Variants in PRPF39 observed in about 807,000 individuals in gnomAD.
The protein encoded by PRPF39 is pre-mRNA-processing factor 39.
PRPF39 carries 27 observed loss-of-function variants against 82.1 expected under a neutral mutation model. The observed-to-expected ratio is 0.33, with a 90% CI of 0.24 to 0.45. PRPF39 has a LOEUF of 0.45. Ranked by LOEUF, PRPF39 falls within the 20% of genes least tolerant of loss-of-function variation. The pLI is 1.00. For missense variants in PRPF39, 581 were observed against 796.9 expected, an observed-to-expected ratio of 0.73 and a Z score of 3.26; for synonymous variants, 261 against 256.4, an observed-to-expected ratio of 1.02 and a Z score of -0.17.
At position 45,112,452 on chromosome 14, in the gene PRPF39, T is replaced by C; in HGVS notation, c.1707T>C (p.Phe569=). ...TACCTATTAAAATGAGAATTACATTTTCTCAGAGAAAAGTGGAATTTCTTG... is the reference window on the plus strand; with the variant it reads ...TACCTATTAAAATGAGAATTACATTCTCTCAGAGAAAAGTGGAATTTCTTG... ...GSLPIKMRIT[F]SQRKVEFLED... is the part of the protein sequence containing the mutation. The change falls in exon 11 of 14, where the codon TTT becomes TTC. Residue 569 remains phenylalanine (F), a synonymous_variant. Coordinates refer to ENST00000355765, the MANE Select transcript of PRPF39 (RefSeq NM_017922.4). 1 of 1,540,442 alleles carries C rather than the reference T, an allele frequency of 6.5e-7. No individual in the cohort carries two copies. The highest frequency in any genetic ancestry group is 1.3e-5 in the South Asian group (1 of 78,892).
At chr14:45,097,622 TTTTG>T (rs2139046773) in intron 4 of PRPF39, among the ~76,000 whole-genome samples, 1 of 152,294 alleles carries the variant, frequency 6.6e-6, no homozygotes, top group East Asian at 1.9e-4. Flanking sequence ...GTGCCACATT[TTTTG>T]TTTGTTTTAC....
rs933992091 is a variant in PRPF39 at position 45,116,248 on chromosome 14, G to A, written c.*1335G>A. Reference sequence around the variant, plus strand: ...TCAAAAGTGAGTTTTGCATTTGGTGGAATTCTGTTGAAGAAGTCAAGGTAC... The same window carrying A: ...TCAAAAGTGAGTTTTGCATTTGGTGAAATTCTGTTGAAGAAGTCAAGGTAC... On this transcript the variant is annotated 3_prime_UTR_variant, in exon 14 of 14. Transcript: ENST00000355765. 3 of 1,611,928 alleles carry A rather than the reference G, an allele frequency of 1.9e-6. No individual in the cohort carries two copies. Among genetic ancestry groups the A allele is most frequent in the Non-Finnish European group, 2.5e-6 (3 of 1,178,328 alleles).
rs377044579 is a variant in PRPF39 at position 45,110,702 on chromosome 14, A to C, written c.1457A>C (p.Lys486Thr). ...CTTCAGGATGCCATTAAGAATGCCA[A>C]ATCAAATAATGAATCTTCATTTTAT... ...HLLQDAIKNA[K>T]SNNESSFYAV... Residue 486 changes from lysine (K) to threonine (T), a missense_variant, in exon 10 of 14, where the codon AAA becomes ACA. Lys to Thr is a moderately conservative substitution (Grantham distance 78). Coordinates refer to ENST00000355765, the MANE Select transcript of PRPF39 (RefSeq NM_017922.4). The surrounding 1 kb of genome is among the most constrained non-coding windows in gnomAD (Gnocchi z 4.0). 11 of 1,569,854 alleles carry C rather than the reference A, an allele frequency of 7.0e-6. No individual in the cohort carries two copies. Among genetic ancestry groups the C allele is most frequent in the Non-Finnish European group, 9.5e-6 (11 of 1,156,262 alleles).
Position 45,112,429 on chromosome 14 carries a change from C to A in PRPF39, c.1684C>A (p.Pro562Thr). The change falls in exon 11 of 14, where the codon CCT becomes ACT. Residue 562 changes from proline (P) to threonine (T), a missense_variant. Pro to Thr is a conservative substitution (Grantham distance 38). Transcript: ENST00000355765. ...CFDKAVHGSL[P>T]IKMRITFSQR... ...TGACAAAGCTGTACATGGTTCATTA[C>A]CTATTAAAATGAGAATTACATTTTC... 6.5e-7 allele frequency: 1 copy of A among 1,546,154 alleles called. No homozygotes were observed.
rs758039645 is a variant in PRPF39, at chr14:45,108,522, TGTAA to T, written c.1011+3_1011+6del. 5.7e-6 allele frequency: 9 copies of T among 1,582,792 alleles called. No individual in the cohort carries two copies. The highest frequency in any genetic ancestry group is 4.0e-5 in the Admixed American group (2 of 49,448). On this transcript the variant is annotated splice_donor_variant and splice_donor_region_variant and intron_variant, in intron 7 of 13. Coordinates refer to ENST00000355765, the MANE Select transcript of PRPF39 (RefSeq NM_017922.4). LOFTEE classifies it high-confidence loss of function. ...GTAAAAGGTGGACATTTGAAGAAGG[TGTAA>T]GTGTTTTTGTTTTGTAATAGTCTTT...
chr14:45,102,101 A>G (rs1283847349), intron 4 of PRPF39, among the ~76,000 whole-genome samples: 1 of 152,100 alleles, frequency 6.6e-6, no homozygotes, highest in Non-Finnish European at 1.5e-5. Flanking sequence ...GCCTGTAATC[A>G]CGCCTGTAAC....
At position 45,095,504 on chromosome 14, in the gene PRPF39, G is replaced by A. The variant is rs1359081315; in HGVS notation, c.265G>A (p.Glu89Lys). Residue 89 changes from glutamate (E) to lysine (K), a missense_variant, in exon 2 of 14, where the codon GAA becomes AAA. Glu to Lys is a moderately conservative substitution (Grantham distance 56). Coordinates refer to ENST00000355765, the MANE Select transcript of PRPF39 (RefSeq NM_017922.4). ...PEYEKFWKTVENNPQDFTGWV... is the reference protein window; with the variant it reads ...PEYEKFWKTVKNNPQDFTGWV... ...ATATGAAAAATTTTGGAAAACTGTA[G>A]AAAATAATCCTCAGGATTTTACAGG... 6.2e-7 allele frequency: 1 copy of A among 1,613,146 alleles called. No homozygotes were observed. Among genetic ancestry groups the A allele is most frequent in the Non-Finnish European group, 8.5e-7 (1 of 1,179,554 alleles).
intron 4 of PRPF39, among the ~76,000 whole-genome samples, chr14:45,097,848 T>G (rs1884249603): frequency 6.6e-6 from 1 of 152,190 alleles, no homozygotes; most frequent in Non-Finnish European, 1.5e-5. Flanking sequence ...GCTTAAGAAG[T>G]TAGCTAATGT....
chr14:45,109,663 A>G lies in PRPF39; in HGVS notation c.1059A>G (p.Leu353=), dbSNP rs746685450. 23 of 1,607,666 alleles carry G rather than the reference A, an allele frequency of 1.4e-5. No homozygotes were observed. In the South Asian group the frequency reaches 2.0e-4, roughly 14 times the overall value. ...FHVKPLEKAQ[L]KNWKEYLEFE... Reference sequence around the variant, plus strand: ...TGAAACCTTTGGAAAAGGCACAACTAAAAAACTGGAAAGAATACTTAGAAT... The same window carrying G: ...TGAAACCTTTGGAAAAGGCACAACTGAAAAACTGGAAAGAATACTTAGAAT... Residue 353 remains leucine, a synonymous_variant, in exon 8 of 14, where the codon CTA becomes CTG. Coordinates refer to ENST00000355765, the MANE Select transcript of PRPF39 (RefSeq NM_017922.4).
At chr14:45,085,019 G>T (rs553380589) in intron 1 of PRPF39, among the ~76,000 whole-genome samples, 6 of 152,230 alleles carry the variant, frequency 3.9e-5, no homozygotes, top group Non-Finnish European at 8.8e-5. Flanking sequence ...GAGGACTTCA[G>T]ATTATTTAGC....
intron 4 of PRPF39, among the ~76,000 whole-genome samples, chr14:45,099,936 T>C (rs373479392): frequency 1.9e-4 from 29 of 152,326 alleles, no homozygotes; most frequent in South Asian, 1.0e-3. Flanking sequence ...CTCTGAGATA[T>C]GTGATCTCTG....
chr14:45,095,212 T>A lies in PRPF39; in HGVS notation c.-19-9T>A. ...GGAAGATATTTCTCTTTTTTTCGTG[T>A]TTCCACAGATCGTTAACTGAAGACA... On this transcript the variant is annotated splice_polypyrimidine_tract_variant and intron_variant, in intron 1 of 13. Coordinates refer to ENST00000355765, the MANE Select transcript of PRPF39 (RefSeq NM_017922.4). 2 of 1,498,986 alleles carry A rather than the reference T, an allele frequency of 1.3e-6. No homozygotes were observed. Among genetic ancestry groups the A allele is most frequent in the Non-Finnish European group, 1.8e-6 (2 of 1,101,398 alleles). 92.9% of individuals were successfully genotyped at this position (1,498,986 alleles called of 1,614,324 possible). A position where few individuals can be genotyped will look rare whatever the true frequency, so the allele number is the denominator to read the frequency against.
intron 4 of PRPF39, 142 bp from the exon 5 acceptor site, chr14:45,102,385 TTC>T (rs1489645311): frequency 3.4e-6 from 2 of 591,912 alleles, no homozygotes; most frequent in Non-Finnish European, 5.5e-6. Context: ...CTTTCTGTTA[TTC>T]TGTCTACCCT....
In PRPF39 at chr14:45,110,682, G is replaced by T; in HGVS notation, c.1437G>T (p.Gln479His). ...TGGAAGAAGCTGAACATTTGCTTCAGGATGCCATTAAGAATGCCAAATCAA... is the reference window on the plus strand; with the variant it reads ...TGGAAGAAGCTGAACATTTGCTTCATGATGCCATTAAGAATGCCAAATCAA... ...GNLEEAEHLLQDAIKNAKSNN... is the reference protein window; with the variant it reads ...GNLEEAEHLLHDAIKNAKSNN... The change falls in exon 10 of 14, where the codon CAG (glutamine) becomes CAT (histidine). Residue 479 changes from glutamine to histidine, a missense_variant. By Grantham distance (24) the Gln-to-His change is conservative. Transcript: ENST00000355765. This position sits in a 1 kb window ranked among gnomAD's most constrained non-coding sequence, Gnocchi z 4.0. The T allele has an allele frequency of 6.3e-7, 1 of 1,576,126 alleles. No individual in the cohort carries two copies. Among genetic ancestry groups the T allele is most frequent in the Non-Finnish European group, 8.6e-7 (1 of 1,159,502 alleles).
intron 11 of PRPF39, among the ~76,000 whole-genome samples, chr14:45,113,957 C>G (rs1594738322): frequency 6.6e-6 from 1 of 152,246 alleles, no homozygotes; most frequent in South Asian, 2.1e-4. Context: ...TTGGTAAAAA[C>G]AGGCAGACAA....
intron 1 of PRPF39, among the ~76,000 whole-genome samples, chr14:45,093,303 A>G (rs1209731566): frequency 6.7e-6 from 1 of 149,870 alleles, no homozygotes; most frequent in African/African-American, 2.5e-5. Flanking sequence ...GCTCACTGCA[A>G]CCTTCACCTC....
chr14:45,095,122 C>T, intron 1 of PRPF39, 99 bp from the exon 2 acceptor site: 1 of 696,040 alleles, frequency 1.4e-6, no homozygotes, highest in South Asian at 2.2e-5. Context: ...ATTAATATTT[C>T]TTTAATAGCT....
Position 45,108,468 on chromosome 14 carries a change from A to G in PRPF39, c.957A>G (p.Glu319=). The G allele has an allele frequency of 6.2e-7, 1 of 1,602,006 alleles. No homozygotes were observed. The highest frequency in any genetic ancestry group is 2.3e-5 in the East Asian group (1 of 44,340). Residue 319 remains glutamate, a synonymous_variant, in exon 7 of 14, where the codon GAA becomes GAG. Transcript: ENST00000355765. The part of the protein sequence containing the change: ...MRHRIIEIHQ[E]MFNYNEHEVS... ...ATAGAATCATTGAGATTCATCAAGA[A>G]ATGTTTAATTATAATGAGCATGAAG...
Position 45,095,151 on chromosome 14 carries a change from A to G in PRPF39, c.-19-70A>G, listed in dbSNP as rs1884156961. On this transcript the variant is annotated intron_variant, in intron 1 of 13. Transcript: ENST00000355765. ...AATAGCTAAATTAGGGCTTTTTAAA[A>G]GGTGTTGTTGAGGCCAAATAATTTT... is the stretch of plus-strand genomic sequence containing the variant. The G allele has an allele frequency of 6.2e-6, 6 of 972,764 alleles. No homozygotes were observed. The East Asian group carries it at 1.5e-4, about 24-fold the overall frequency. The allele number at this position is 972,764 out of a possible 1,614,324, so 60.3% of individuals were successfully genotyped here.
Sources: gnomAD v4.1 joint callset for allele counts (sites outside exome capture counted in the v4.1 genomes callset) on GRCh38, gnomAD v4.1.1 for gene constraint, Gnocchi (gnomAD v3.1) non-coding constraint, MANE v1.5 for transcripts, NCBI Gene and HGNC (gene_info 2026-07-23, HGNC 2026-07-21) for gene names.